The following ZAN variants were observed in gnomAD, a reference collection of about 807,000 sequenced individuals.
ZAN encodes zonadhesin.
A neutral mutation model predicts 286.2 loss-of-function variants in ZAN; 260 were observed. The observed-to-expected ratio is 0.91, with a 90% CI of 0.82 to 1.01. The LOEUF (loss-of-function observed/expected upper bound fraction) is 1.01, where lower values mean the gene tolerates loss of function less well. Ranked by LOEUF, ZAN falls within the 50% of genes least tolerant of loss-of-function variation. The pLI, the probability that ZAN is intolerant of heterozygous loss-of-function variation, is 0.00. For missense variants in ZAN, 3,410 were observed against 3,639.2 expected (o/e 0.94, Z 1.62); for synonymous variants, 1,368 against 1,417.5 (o/e 0.97, Z 0.79).
intron 42 of ZAN, 72 bp downstream of exon 42, chr7:100,792,551 T>A (rs1584637254): frequency 6.2e-7 from 1 of 1,600,128 alleles, no homozygotes; most frequent in Admixed American, 1.7e-5. Flanking sequence ...TGCGGTGAGG[T>A]GTTGCCCCTC....
rs1808711781 is a variant in ZAN at position 100,752,013 on chromosome 7, C to CACAGAAAAACCCACCA, written c.1908_1909insACAGAAAAACCCACCA (p.Ser637ThrfsTer35). The CACAGAAAAACCCACCA allele has an allele frequency of 6.2e-7, 1 of 1,612,782 alleles. No homozygotes were observed. Among genetic ancestry groups the CACAGAAAAACCCACCA allele is most frequent in the Non-Finnish European group, 8.5e-7 (1 of 1,179,594 alleles). On this transcript the variant is annotated frameshift_variant, in exon 14 of 48. Coordinates refer to ENST00000613979, the MANE Select transcript of ZAN (RefSeq NM_003386.3). LOFTEE classifies it high-confidence loss of function. ...TCCTCACAGAAAAACCCACCATTCC[C>CACAGAAAAACCCACCA]TCAGAAAAACCCACCATTCCCTCAG...
At position 100,795,095 on chromosome 7, in the gene ZAN, C is replaced by G. The variant is rs531523326; in HGVS notation, c.8126-101C>G. The G allele has an allele frequency of 9.7e-6, 14 of 1,436,072 alleles. No homozygotes were observed. In the South Asian group the frequency reaches 1.8e-4, roughly 18 times the overall value. The allele number at this position is 1,436,072 out of a possible 1,614,324, so 89.0% of individuals were successfully genotyped here. ...TGACCCCTGGCCAGTCTCTGGCAGC[C>G]GCTGCTTTCTCCCCGGGCGTCCCAG... On this transcript the variant is annotated intron_variant, in intron 44 of 47. Coordinates refer to ENST00000613979, the MANE Select transcript of ZAN (RefSeq NM_003386.3).
intron 34 of ZAN, among the ~76,000 whole-genome samples, chr7:100,779,011 C>T (rs972057898): frequency 2.1e-4 from 32 of 151,638 alleles, no homozygotes; most frequent in Admixed American, 1.9e-3. Flanking sequence ...CCAGCCTGGG[C>T]GATACAGTGG....
Position 100,773,709 on chromosome 7 carries a change from TGTG to T in ZAN, c.5635-10_5635-8del. The T allele has an allele frequency of 6.2e-7, 1 of 1,604,882 alleles. No individual in the cohort carries two copies. Among genetic ancestry groups the T allele is most frequent in the Non-Finnish European group, 8.5e-7 (1 of 1,175,548 alleles). ...ACTTTCTGTTGGCTCAGCTGATCCC[TGTG>T]GCCCACAGGTCGGGGAGCGCTGGTA... On this transcript the variant is annotated splice_polypyrimidine_tract_variant and intron_variant, in intron 30 of 47. Coordinates refer to ENST00000613979, the MANE Select transcript of ZAN (RefSeq NM_003386.3).
chr7:100,780,645 A>G (rs1382426952), intron 35 of ZAN, among the ~76,000 whole-genome samples: 1 of 110,022 alleles, frequency 9.1e-6, no homozygotes, highest in Non-Finnish European at 2.1e-5. Flanking sequence ...TGGGTGACAG[A>G]GTGAGACTCT....
chr7:100,773,495 T>C lies in ZAN; in HGVS notation c.5634+2T>C. 1 of 1,612,916 alleles carries C rather than the reference T, an allele frequency of 6.2e-7. No homozygotes were observed. Among genetic ancestry groups the C allele is most frequent in the Non-Finnish European group, 8.5e-7 (1 of 1,179,618 alleles). Reference sequence around the variant, plus strand: ...GACCCAGCGGGCTCCTACCACCCGGTGAGAGGCCAGCTAGGAGGGGCCCCG... The same window carrying C: ...GACCCAGCGGGCTCCTACCACCCGGCGAGAGGCCAGCTAGGAGGGGCCCCG... On this transcript the variant is annotated splice_donor_variant, in intron 30 of 47. Coordinates refer to ENST00000613979, the MANE Select transcript of ZAN (RefSeq NM_003386.3). LOFTEE classifies it high-confidence loss of function.
At position 100,767,246 on chromosome 7, in the gene ZAN, T is replaced by C; in HGVS notation, c.4849T>C (p.Cys1617Arg). 6.2e-7 allele frequency: 1 copy of C among 1,609,582 alleles called. No individual in the cohort carries two copies. Among genetic ancestry groups the C allele is most frequent in the South Asian group, 1.1e-5 (1 of 91,046 alleles). ...CCTCAGCATCTCACTGCTCAGAGGC[T>C]GTAAGGTCATGGTGGGTGTCTTCCT... ...FDLSISLLRGCKVMLNGHRVA... is the reference protein window; with the variant it reads ...FDLSISLLRGRKVMLNGHRVA... The change falls in exon 25 of 48, where the codon TGT becomes CGT. Residue 1617 changes from cysteine (C) to arginine (R), a missense_variant. Cys to Arg is a radical substitution (Grantham distance 180). Coordinates refer to ENST00000613979, the MANE Select transcript of ZAN (RefSeq NM_003386.3).
intron 7 of ZAN, among the ~76,000 whole-genome samples, chr7:100,742,235 T>C (rs1807845211): frequency 8.8e-6 from 1 of 113,654 alleles, no homozygotes; most frequent in Non-Finnish European, 1.9e-5. Context: ...GATGGGGCGG[T>C]GGGGCAGAGG....
intron 25 of ZAN, 124 bp downstream of exon 25, chr7:100,767,381 C>A: frequency 6.5e-6 from 9 of 1,377,174 alleles, no homozygotes; most frequent in Non-Finnish European, 8.7e-6. Flanking sequence ...GCACCTGCAG[C>A]TGACCCAGAC....
chr7:100,736,832 TCGAA>T lies in ZAN; in HGVS notation c.279_282del (p.Asn94AlafsTer82). The T allele has an allele frequency of 4.7e-6, 7 of 1,480,370 alleles. 1 individual carries two copies. The highest frequency in any genetic ancestry group is 4.6e-6 in the Non-Finnish European group (5 of 1,086,150). The allele number at this position is 1,480,370 out of a possible 1,614,324, so 91.7% of individuals were successfully genotyped here. A position where few individuals can be genotyped will look rare whatever the true frequency, so the allele number is the denominator to read the frequency against. On this transcript the variant is annotated frameshift_variant, in exon 5 of 48. Transcript: ENST00000613979. LOFTEE classifies it high-confidence loss of function. The stretch of plus-strand genomic sequence containing the variant: ...AGAGGGCAGCTATCTGCATATGGAA[TCGAA>T]CAGCTTCCACCGTGGGGGAGTGGCC...
In ZAN at chr7:100,748,157, TG is replaced by T; in HGVS notation, c.1046del (p.Gly349GlufsTer90). ...RIQFAVVGVF[G>X]KTPEPAVAVD... ...TCCAGTTTGCCGTGGTAGGCGTTTT[TG>T]GAAAGACCCCAGAGCCAGCTGTGGC... On this transcript the variant is annotated frameshift_variant, in exon 10 of 48. Transcript: ENST00000613979. LOFTEE classifies it high-confidence loss of function. The T allele has an allele frequency of 6.2e-7, 1 of 1,613,752 alleles. No individual in the cohort carries two copies. The highest frequency in any genetic ancestry group is 8.5e-7 in the Non-Finnish European group (1 of 1,179,842).
intron 7 of ZAN, among the ~76,000 whole-genome samples, chr7:100,738,876 TCCCTCTCCCTCTCCCTCTCCC>T (rs1807506563): frequency 2.0e-4 from 4 of 19,952 alleles, no homozygotes; most frequent in Admixed American, 7.9e-4. Flanking sequence ...CTTCTTCTTC[TCCCTCTCCCTCTCCCTCTCCC>T]TCTCCCTCTC....
chr7:100,754,368 A>G (rs1055666099), intron 14 of ZAN, among the ~76,000 whole-genome samples: 3 of 151,982 alleles, frequency 2.0e-5, no homozygotes, highest in Non-Finnish European at 4.4e-5. Context: ...CTGAGGCAGG[A>G]GAATGGCGTG....
At chr7:100,741,506 AG>A (rs1562913663) in intron 7 of ZAN, among the ~76,000 whole-genome samples, 3 of 49,294 alleles carry the variant, frequency 6.1e-5, no homozygotes, top group Non-Finnish European at 9.8e-5. Context: ...CTGGCCGGGC[AG>A]GGGGGCTGAC....
intron 11 of ZAN, among the ~76,000 whole-genome samples, chr7:100,750,364 T>TGACCTCGTGATCCGCC (rs1482463940): frequency 6.6e-6 from 1 of 152,084 alleles, no homozygotes; most frequent in Non-Finnish European, 1.5e-5. Flanking sequence ...CTTGATCTCT[T>TGACCTCGTGATCCGCC]GACCTCGTGA....
At chr7:100,743,863 TGA>T (rs1169083003) in intron 7 of ZAN, among the ~76,000 whole-genome samples, 2 of 151,084 alleles carry the variant, frequency 1.3e-5, no homozygotes, top group Non-Finnish European at 2.9e-5. Flanking sequence ...GGCGACAGAG[TGA>T]GATTGTGTCT....
At position 100,752,190 on chromosome 7, in the gene ZAN, A is replaced by C; in HGVS notation, c.2085A>C (p.Lys695Asn). 2 of 1,610,642 alleles carry C rather than the reference A, an allele frequency of 1.2e-6. No homozygotes were observed. Among genetic ancestry groups the C allele is most frequent in the Non-Finnish European group, 1.7e-6 (2 of 1,179,290 alleles). ...AAAAACCCAGCATCCCCACGGAAAA[A>C]CCCACCATCTCCATGGAAGAGACTA... Reference protein sequence around the residue: ...PTEKPSIPTEKPTISMEETII... With the variant: ...PTEKPSIPTENPTISMEETII... Residue 695 changes from lysine (K) to asparagine (N), a missense_variant, in exon 14 of 48, where the codon AAA (lysine) becomes AAC (asparagine). By Grantham distance (94) the Lys-to-Asn change is moderately conservative. Around this residue, in one of 7 missense-constraint regions of ZAN, gnomAD observed 872 missense variants for 938.9 expected, o/e 0.93. Coordinates refer to ENST00000613979, the MANE Select transcript of ZAN (RefSeq NM_003386.3).
chr7:100,766,710 A>C, intron 24 of ZAN, 44 bp downstream of exon 24: 1 of 1,541,684 alleles, frequency 6.5e-7, no homozygotes, highest in Non-Finnish European at 8.8e-7. Context: ...TGCCCAGGCA[A>C]CACCAGGCAA....
chr7:100,746,156 G>A (rs1008191948), intron 7 of ZAN, among the ~76,000 whole-genome samples: 2 of 152,222 alleles, frequency 1.3e-5, no homozygotes, highest in Admixed American at 6.5e-5. Flanking sequence ...TGAGCCCGGG[G>A]AGGTTGAGTC....
Sources: allele counts gnomAD v4.1 joint callset (sites outside exome capture counted in the v4.1 genomes callset), GRCh38; gene constraint gnomAD v4.1.1; regional missense constraint gnomAD v4.1.1; transcripts MANE v1.5; gene names NCBI Gene and HGNC (gene_info 2026-07-23, HGNC 2026-07-21).